The following ADRA1D variants were observed in gnomAD, a reference collection of about 807,000 sequenced individuals.
The protein encoded by ADRA1D is adrenoceptor alpha 1D, also known as alpha-1D adrenergic receptor.
ADRA1D carries 22 observed loss-of-function variants against 18.6 expected under a neutral mutation model. The ratio of observed to expected loss-of-function variants is 1.19; its 90% CI spans 0.85 to 1.69. ADRA1D has a LOEUF of 1.69. ADRA1D is among the 40% of genes most tolerant of loss of function. The probability of loss-of-function intolerance (pLI) is 0.00; values close to 1 mark genes in which losing one functional copy is unlikely to be tolerated. For synonymous variants in ADRA1D, 376 were observed against 388.2 expected (o/e 0.97, Z 0.37); for missense variants, 840 against 840.7 (o/e 1.00, Z 0.01).
At chr20:4,238,991 T>C (rs1275053485) in intron 1 of ADRA1D, among the ~76,000 whole-genome samples, 1 of 151,742 alleles carries the variant, frequency 6.6e-6, no homozygotes, top group East Asian at 1.9e-4. Context: ...CTGGGGTTGA[T>C]GAGCAGGTGT....
rs1193102119 is a variant in ADRA1D, at chr20:4,221,476, C to G, written c.*47G>C. 6.4e-7 allele frequency: 1 copy of G among 1,558,196 alleles called. No individual in the cohort carries two copies. The highest frequency in any genetic ancestry group is 8.7e-7 in the Non-Finnish European group (1 of 1,147,962). ...GAACACCAGCCCGCCTCTCTGGTCC[C>G]CCTTACCCCCAAGCCCAGCACACTC... On this transcript the variant is annotated 3_prime_UTR_variant, in exon 2 of 2. Transcript: ENST00000379453.
intron 1 of ADRA1D, among the ~76,000 whole-genome samples, chr20:4,241,068 G>T (rs1156602418): frequency 6.6e-6 from 1 of 151,952 alleles, no homozygotes; most frequent in Non-Finnish European, 1.5e-5. Context: ...CAAAAATGGG[G>T]ACTCACCCCC....
intron 1 of ADRA1D, among the ~76,000 whole-genome samples, chr20:4,238,033 A>C (rs2122670433): frequency 6.7e-6 from 1 of 148,622 alleles, no homozygotes; most frequent in South Asian, 2.3e-4. Flanking sequence ...GGATCACTTG[A>C]GGTCAGGAGT....
At chr20:4,226,968 T>G (rs1980814783) in intron 1 of ADRA1D, among the ~76,000 whole-genome samples, 1 of 152,206 alleles carries the variant, frequency 6.6e-6, no homozygotes, top group South Asian at 2.1e-4. Context: ...CTCTCTTGAC[T>G]GCACCCCTCA....
intron 1 of ADRA1D, among the ~76,000 whole-genome samples, chr20:4,233,575 C>T (rs1020316833): frequency 1.2e-4 from 18 of 152,066 alleles, no homozygotes; most frequent in Non-Finnish European, 2.5e-4. Flanking sequence ...TCAAGAAGAA[C>T]CCCTATCTCA....
intron 1 of ADRA1D, among the ~76,000 whole-genome samples, chr20:4,241,010 T>C (rs1981199574): frequency 6.6e-6 from 1 of 152,142 alleles, no homozygotes; most frequent in South Asian, 2.1e-4. Context: ...TCATAGTAAT[T>C]ACTCAATAAA....
At chr20:4,231,045 T>TCTTTCTTTCTTTCTTTCTTC (rs1980947511) in intron 1 of ADRA1D, among the ~76,000 whole-genome samples, 1 of 74,134 alleles carries the variant, frequency 1.3e-5, no homozygotes, top group African/African-American at 5.7e-5. Flanking sequence ...TCTTTTTCTT[T>TCTTTCTTTCTTTCTTTCTTC]CTTTCTTTCT....
chr20:4,227,700 C>CCT (rs1397616788), intron 1 of ADRA1D, among the ~76,000 whole-genome samples: 1,925 of 31,522 alleles, frequency 0.061, 84 homozygotes, highest in African/African-American at 0.21. Context: ...CCCTCCCTCC[C>CCT]TCCCTCCTTC....
Position 4,248,863 on chromosome 20 carries a change from GCGCTGCCCC to G in ADRA1D, c.86_94del (p.Gly29_Ser31del). Reference sequence around the variant, plus strand: ...GCCCTCCGAGGGGGCCGCGCCGCCCGCGCTGCCCCCGCCGCCGCCCGCGCTGGAGCCCCC... The same window carrying G: ...GCCCTCCGAGGGGGCCGCGCCGCCCGCGCCGCCGCCCGCGCTGGAGCCCCC... On this transcript the variant is annotated inframe_deletion, in exon 1 of 2. Coordinates refer to ENST00000379453, the MANE Select transcript of ADRA1D (RefSeq NM_000678.4). The G allele has an allele frequency of 9.5e-7, 1 of 1,048,832 alleles. No homozygotes were observed. The highest frequency in any genetic ancestry group is 1.2e-6 in the Non-Finnish European group (1 of 868,056). The allele number at this position is 1,048,832 out of a possible 1,614,324, so 65.0% of individuals were successfully genotyped here. A position where few individuals can be genotyped will look rare whatever the true frequency, so the allele number is the denominator to read the frequency against.
At position 4,222,249 on chromosome 20, in the gene ADRA1D, A is replaced by G. The variant is rs1980691425; in HGVS notation, c.1112-119T>C. The G allele has an allele frequency of 7.2e-7, 1 of 1,391,250 alleles. No homozygotes were observed. Among genetic ancestry groups the G allele is most frequent in the African/African-American group, 1.5e-5 (1 of 66,750 alleles). The allele number at this position is 1,391,250 out of a possible 1,614,324, so 86.2% of individuals were successfully genotyped here. A position where few individuals can be genotyped will look rare whatever the true frequency, so the allele number is the denominator to read the frequency against. On this transcript the variant is annotated intron_variant, in intron 1 of 1. Transcript: ENST00000379453. The surrounding 1 kb of genome is among the most constrained non-coding windows in gnomAD (Gnocchi z 4.3). ...GCTGAGTCATTGACTAGGAGTTCTC[A>G]AGGGATCCGTGCTGTAAATCAGGAG...
intron 1 of ADRA1D, among the ~76,000 whole-genome samples, chr20:4,247,469 C>T (rs1479537941): frequency 6.6e-6 from 1 of 152,188 alleles, no homozygotes; most frequent in African/African-American, 2.4e-5. Flanking sequence ...GTAGGCCCAC[C>T]CACTCTGTGC....
chr20:4,244,606 C>T (rs1032376219), intron 1 of ADRA1D, among the ~76,000 whole-genome samples: 2 of 152,230 alleles, frequency 1.3e-5, no homozygotes, highest in African/African-American at 2.4e-5. Context: ...TGGGGGTCCA[C>T]ATTCCCCCCA....
At chr20:4,241,976 C>T (rs1298356555) in intron 1 of ADRA1D, among the ~76,000 whole-genome samples, 2 of 152,164 alleles carry the variant, frequency 1.3e-5, no homozygotes, top group African/African-American at 2.4e-5. Context: ...TCTGCATATG[C>T]ATGCACCAAT....
intron 1 of ADRA1D, among the ~76,000 whole-genome samples, chr20:4,236,237 C>T (rs1373130981): frequency 6.6e-6 from 1 of 152,202 alleles, no homozygotes; most frequent in African/African-American, 2.4e-5. Flanking sequence ...CTCTCTGGTG[C>T]CTCAGTTTTC....
At chr20:4,230,697 C>G (rs540851642) in intron 1 of ADRA1D, among the ~76,000 whole-genome samples, 8 of 152,340 alleles carry the variant, frequency 5.3e-5, no homozygotes, top group Admixed American at 5.2e-4. Context: ...CATGGTGCTG[C>G]TCACAAGGAA....
chr20:4,234,151 C>A lies in ADRA1D; in HGVS notation c.1112-12021G>T, dbSNP rs1042059701. Among the ~76,000 whole-genome samples, 3 of 152,194 alleles carry A rather than the reference C, an allele frequency of 2.0e-5. No individual in the cohort carries two copies. In the South Asian group the frequency reaches 6.2e-4, roughly 32 times the overall value. On this transcript the variant is annotated intron_variant, in intron 1 of 1. Transcript: ENST00000379453. ...ACTGAAGCAGGGGGTTTGTTTACAG[C>A]CCAGATTATCATAAGCCAGTCCATT...
At position 4,249,135 on chromosome 20, in the gene ADRA1D, C is replaced by T. The variant is rs1478824892; in HGVS notation, c.-178G>A. 5.1e-6 allele frequency: 2 copies of T among 391,964 alleles called. No homozygotes were observed. The highest frequency in any genetic ancestry group is 7.3e-6 in the Non-Finnish European group (2 of 274,914). The allele number at this position is 391,964 out of a possible 1,614,324, so 24.3% of individuals were successfully genotyped here. On this transcript the variant is annotated 5_prime_UTR_variant, in exon 1 of 2. Coordinates refer to ENST00000379453, the MANE Select transcript of ADRA1D (RefSeq NM_000678.4). ...TGTCCGAGAGCGGAGCTGCCTGGCC[C>T]GGGCGGCGGCCGGGCTCCCCGAGGC...
intron 1 of ADRA1D, among the ~76,000 whole-genome samples, chr20:4,223,527 A>G (rs1454807261): frequency 6.6e-6 from 1 of 152,182 alleles, no homozygotes; most frequent in African/African-American, 2.4e-5. Flanking sequence ...TTTCCCAGCT[A>G]GAATGTGAAT....
At chr20:4,229,725 C>T (rs1980909976) in intron 1 of ADRA1D, among the ~76,000 whole-genome samples, 1 of 151,942 alleles carries the variant, frequency 6.6e-6, no homozygotes, top group Admixed American at 6.6e-5. Flanking sequence ...CCTCAATGCG[C>T]CCTCCCACCC....
Sources: gnomAD v4.1 joint callset for allele counts (sites outside exome capture counted in the v4.1 genomes callset) on GRCh38, gnomAD v4.1.1 for gene constraint, Gnocchi (gnomAD v3.1) non-coding constraint, MANE v1.5 for transcripts, NCBI Gene and HGNC (gene_info 2026-07-23, HGNC 2026-07-21) for gene names.